TBC1D12: variants seen among roughly 807,000 people sequenced by gnomAD.
TBC1D12 encodes the protein TBC1 domain family, member 12.
Under a neutral mutation model 86.7 loss-of-function variants are expected in TBC1D12, and 56 were observed. The observed-to-expected ratio is 0.65, with a 90% CI of 0.52 to 0.81. The LOEUF (loss-of-function observed/expected upper bound fraction) is 0.81, where lower values mean the gene tolerates loss of function less well. TBC1D12 is among the 30% of genes least tolerant of loss of function. The pLI, the probability that TBC1D12 is intolerant of heterozygous loss-of-function variation, is 0.00. For missense variants in TBC1D12, 1,023 were observed against 1,038.8 expected, an observed-to-expected ratio of 0.98 and a Z score of 0.21; for synonymous variants, 421 against 411.7, an observed-to-expected ratio of 1.02 and a Z score of -0.27.
intron 12 of TBC1D12, among the ~76,000 whole-genome samples, chr10:94,531,906 G>GTTATGTTATT (rs1206473840): frequency 5.4e-5 from 8 of 149,250 alleles, no homozygotes; most frequent in Admixed American, 1.3e-4. Flanking sequence ...GTTATGTTAT[G>GTTATGTTATT]TTATTTTATT....
chr10:94,458,738 T>C (rs986885008), intron 2 of TBC1D12, among the ~76,000 whole-genome samples: 18 of 152,124 alleles, frequency 1.2e-4, no homozygotes, highest in East Asian at 5.8e-4. Flanking sequence ...GTGAGTGTTA[T>C]AGCTCTTAAA....
intron 12 of TBC1D12, among the ~76,000 whole-genome samples, 157 bp from the exon 13 acceptor site, chr10:94,532,871 A>T (rs1206785621): frequency 2.0e-5 from 3 of 152,214 alleles, no homozygotes; most frequent in Non-Finnish European, 2.9e-5. Flanking sequence ...ATATTTCATG[A>T]TTAGAAAAAA....
At chr10:94,483,002 A>G (rs2134159623) in intron 3 of TBC1D12, among the ~76,000 whole-genome samples, 1 of 151,450 alleles carries the variant, frequency 6.6e-6, no homozygotes, top group East Asian at 1.9e-4. Context: ...GTGGATGAAT[A>G]ATACTCCATT....
In TBC1D12 at chr10:94,482,514, G is replaced by A. The variant is rs1036515520; in HGVS notation, c.1211+7731G>A. Among the ~76,000 whole-genome samples the A allele has an allele frequency of 5.9e-5, 9 of 151,770 alleles. No individual in the cohort carries two copies. In the South Asian group the frequency reaches 6.3e-4, roughly 11 times the overall value. ...TGCCCAGGCTGGGGTATAATGACGC[G>A]ATCATGGCTTACTGCGATCTCTGCC... On this transcript the variant is annotated intron_variant, in intron 3 of 12. Coordinates refer to ENST00000225235, the MANE Select transcript of TBC1D12 (RefSeq NM_015188.2).
At chr10:94,493,951 TAATG>T (rs2056281326) in intron 4 of TBC1D12, among the ~76,000 whole-genome samples, 2 of 152,016 alleles carry the variant, frequency 1.3e-5, no homozygotes, top group South Asian at 2.1e-4. Flanking sequence ...ATGAATCTAT[TAATG>T]AATTTCACTT....
At chr10:94,524,228 C>A (rs1842227760) in intron 11 of TBC1D12, among the ~76,000 whole-genome samples, 1 of 152,054 alleles carries the variant, frequency 6.6e-6, no homozygotes, top group African/African-American at 2.4e-5. Flanking sequence ...AGGAGACTCA[C>A]AAGGGGAGAT....
At chr10:94,515,208 C>T (rs192864563) in intron 9 of TBC1D12, among the ~76,000 whole-genome samples, 51 of 151,536 alleles carry the variant, frequency 3.4e-4, no homozygotes, top group Non-Finnish European at 6.3e-4. Context: ...CGCCCGGCCG[C>T]AAGTTTTTTT....
At chr10:94,472,561 C>T (rs1312122766) in intron 2 of TBC1D12, among the ~76,000 whole-genome samples, 5 of 152,048 alleles carry the variant, frequency 3.3e-5, no homozygotes, top group Non-Finnish European at 7.3e-5. Context: ...GGCAGTGAAA[C>T]CAGGTTACCT....
intron 2 of TBC1D12, among the ~76,000 whole-genome samples, chr10:94,456,136 GT>G (rs1398854311): frequency 1.3e-5 from 2 of 152,046 alleles, no homozygotes; most frequent in Admixed American, 6.6e-5. Context: ...TTAGCTTTTG[GT>G]TTTGTTGATT....
chr10:94,464,981 G>A (rs988711480), intron 2 of TBC1D12, among the ~76,000 whole-genome samples: 2 of 152,140 alleles, frequency 1.3e-5, no homozygotes, highest in African/African-American at 4.8e-5. Context: ...AGTACATGAA[G>A]AAAATCTCAC....
At chr10:94,437,278 C>G (rs192783076) in intron 1 of TBC1D12, among the ~76,000 whole-genome samples, 2 of 151,726 alleles carry the variant, frequency 1.3e-5, no homozygotes, top group Admixed American at 6.6e-5. Context: ...TGTTGAGTTT[C>G]TTGGATGTGT....
chr10:94,495,723 AT>A (rs141886758), intron 4 of TBC1D12, among the ~76,000 whole-genome samples: 6 of 150,204 alleles, frequency 4.0e-5, no homozygotes, highest in Admixed American at 6.6e-5. Context: ...CTCTTTCATC[AT>A]TTTTTTTTTG....
intron 2 of TBC1D12, among the ~76,000 whole-genome samples, chr10:94,454,314 C>T (rs1457101025): frequency 2.6e-5 from 4 of 152,270 alleles, no homozygotes; most frequent in Admixed American, 1.3e-4. Context: ...CAGGTTCGAG[C>T]GATTCTCCTG....
chr10:94,512,400 G>A (rs902297456), intron 9 of TBC1D12, among the ~76,000 whole-genome samples: 1 of 152,126 alleles, frequency 6.6e-6, no homozygotes, highest in Non-Finnish European at 1.5e-5. Flanking sequence ...TCTCACCTTT[G>A]CCTTAAAATA....
intron 1 of TBC1D12, among the ~76,000 whole-genome samples, chr10:94,410,028 T>C (rs2054909867): frequency 6.6e-6 from 1 of 152,304 alleles, no homozygotes; most frequent in South Asian, 2.1e-4. Flanking sequence ...TGGGGAGTGG[T>C]TGTGTTACTT....
At chr10:94,498,944 A>G (rs1480708261) in intron 5 of TBC1D12, among the ~76,000 whole-genome samples, 2 of 150,824 alleles carry the variant, frequency 1.3e-5, no homozygotes, top group Non-Finnish European at 3.0e-5. Context: ...TAAGTTTTGT[A>G]TTTTTTTATA....
At chr10:94,433,804 T>C (rs2055253455) in intron 1 of TBC1D12, among the ~76,000 whole-genome samples, 3 of 152,216 alleles carry the variant, frequency 2.0e-5, no homozygotes, top group Admixed American at 2.0e-4. Flanking sequence ...TAAGCCCTTC[T>C]ATTTTATGGT....
At chr10:94,436,476 G>C (rs1196140718) in intron 1 of TBC1D12, among the ~76,000 whole-genome samples, 20 of 152,018 alleles carry the variant, frequency 1.3e-4, no homozygotes, top group Admixed American at 1.3e-3. Flanking sequence ...TTTCCTTCAA[G>C]TTCCTAAAAA....
At chr10:94,487,393 C>T (rs977096738) in intron 3 of TBC1D12, among the ~76,000 whole-genome samples, 3 of 151,036 alleles carry the variant, frequency 2.0e-5, no homozygotes, top group South Asian at 2.1e-4. Context: ...TCTCTTCTTT[C>T]GTTCCTTCCA....
Sources: allele counts gnomAD v4.1 joint callset (sites outside exome capture counted in the v4.1 genomes callset), GRCh38; gene constraint gnomAD v4.1.1; transcripts MANE v1.5; gene names NCBI Gene and HGNC (gene_info 2026-07-23, HGNC 2026-07-21).